Variants in ZBP1 observed in about 807,000 individuals in gnomAD.
ZBP1 encodes the protein Z-DNA binding protein 1.
In ZBP1, 42 loss-of-function variants were observed where a neutral mutation model predicts 41.1. That is an observed-to-expected ratio of 1.02 (90% CI 0.80 to 1.32). ZBP1 has a LOEUF of 1.32. Ranked by LOEUF, ZBP1 falls within the 40% of genes most tolerant of loss-of-function variation. The pLI, the probability that ZBP1 is intolerant of heterozygous loss-of-function variation, is 0.00. For synonymous variants in ZBP1, 214 were observed against 205.2 expected, an observed-to-expected ratio of 1.04 and a Z score of -0.37; for missense variants, 562 against 549.7, an observed-to-expected ratio of 1.02 and a Z score of -0.22.
chr20:57,616,235 G>T lies in ZBP1; in HGVS notation c.259+9C>A, dbSNP rs777940638. The T allele has an allele frequency of 1.2e-6, 2 of 1,613,462 alleles. No individual in the cohort carries two copies. The highest frequency in any genetic ancestry group is 1.7e-6 in the Non-Finnish European group (2 of 1,179,532). ...AGGGTCAGACCCGCCTCCCCGGGGT[G>T]GCAGTTACCAGGGCTGGACAAGGCC... On this transcript the variant is annotated intron_variant, in intron 2 of 7. Transcript: ENST00000371173.
chr20:57,617,166 T>A (rs1439684189), intron 1 of ZBP1: 1 of 154,020 alleles, frequency 6.5e-6, no homozygotes, highest in Non-Finnish European at 1.4e-5. Context: ...ACCCTCCAGA[T>A]CTGGCTCTGC....
intron 7 of ZBP1, among the ~76,000 whole-genome samples, chr20:57,607,958 G>T (rs548613687): frequency 6.6e-6 from 1 of 152,202 alleles, no homozygotes; most frequent in Non-Finnish European, 1.5e-5. Context: ...GCTTTATTGG[G>T]GTGTTCTGGA....
rs1318222465 is a variant in ZBP1, at chr20:57,613,362, C to T, written c.503-32G>A. ...AATAATATTCAACTGTATCCCTTTG[C>T]CACTGTCTATGGGTCAGGGGTTCCC... is the stretch of plus-strand genomic sequence containing the variant. On this transcript the variant is annotated intron_variant, in intron 4 of 7. Coordinates refer to ENST00000371173, the MANE Select transcript of ZBP1 (RefSeq NM_030776.3). This position sits in a 1 kb window ranked among gnomAD's most constrained non-coding sequence, Gnocchi z 4.5. The T allele has an allele frequency of 1.9e-6, 3 of 1,601,060 alleles. No individual in the cohort carries two copies. The highest frequency in any genetic ancestry group is 3.3e-4 in the Middle Eastern group (2 of 6,042).
chr20:57,615,508 T>C lies in ZBP1; in HGVS notation c.328+4A>G. 6.2e-7 allele frequency: 1 copy of C among 1,613,410 alleles called. No homozygotes were observed. Among genetic ancestry groups the C allele is most frequent in the Non-Finnish European group, 8.5e-7 (1 of 1,179,752 alleles). On this transcript the variant is annotated splice_donor_region_variant and intron_variant, in intron 3 of 7. Transcript: ENST00000371173. ...GGGAACTGAAGGGACATGCAAAAACTTACCCCGTTGTTGGCTGAACTGAGG... is the reference window on the plus strand; with the variant it reads ...GGGAACTGAAGGGACATGCAAAAACCTACCCCGTTGTTGGCTGAACTGAGG...
chr20:57,613,021 T>C lies in ZBP1; in HGVS notation c.670+142A>G. 1 of 1,501,246 alleles carries C rather than the reference T, an allele frequency of 6.7e-7. No individual in the cohort carries two copies. The highest frequency in any genetic ancestry group is 2.5e-5 in the East Asian group (1 of 40,548). 93.0% of individuals were successfully genotyped at this position (1,501,246 alleles called of 1,614,324 possible). On this transcript the variant is annotated intron_variant, in intron 5 of 7. Coordinates refer to ENST00000371173, the MANE Select transcript of ZBP1 (RefSeq NM_030776.3). This position sits in a 1 kb window ranked among gnomAD's most constrained non-coding sequence, Gnocchi z 4.5. ...CTCATTCTCAGGACGGCCGTAAAGG[T>C]GGACTGTGGGGGTCTGGAAGCAACC...
chr20:57,615,461 G>A, intron 3 of ZBP1, 51 bp downstream of exon 3: 1 of 1,589,994 alleles, frequency 6.3e-7, no homozygotes, highest in African/African-American at 1.3e-5. Flanking sequence ...TGGGGTTCCT[G>A]GGGAGTGGGA....
At chr20:57,612,047 C>A in intron 5 of ZBP1, 117 bp from the exon 6 acceptor site, 1 of 1,144,842 alleles carries the variant, frequency 8.7e-7, no homozygotes, top group Non-Finnish European at 1.2e-6. Context: ...GAACTGGCGG[C>A]CAAAGACTTC....
chr20:57,616,178 C>T, intron 2 of ZBP1, 66 bp downstream of exon 2: 2 of 1,475,214 alleles, frequency 1.4e-6, no homozygotes, highest in Non-Finnish European at 1.9e-6. Flanking sequence ...AGGCTCAAAT[C>T]TGTGCTTGTC....
intron 7 of ZBP1, among the ~76,000 whole-genome samples, chr20:57,608,709 T>C (rs546835575): frequency 6.6e-6 from 1 of 152,306 alleles, no homozygotes; most frequent in South Asian, 2.1e-4. Flanking sequence ...TGCATGGGGC[T>C]CCCAGGGGTC....
chr20:57,616,576 G>T, intron 1 of ZBP1, 108 bp from the exon 2 acceptor site: 1 of 1,164,592 alleles, frequency 8.6e-7, no homozygotes, highest in Non-Finnish European at 1.2e-6. Flanking sequence ...TTTGAGAGGG[G>T]TCCAGGGCAG....
At chr20:57,620,029 G>A (rs2070961379) in intron 1 of ZBP1, among the ~76,000 whole-genome samples, 1 of 152,134 alleles carries the variant, frequency 6.6e-6, no homozygotes, top group Admixed American at 6.5e-5. Context: ...TAGAGATGGG[G>A]TTTCGCCATG....
chr20:57,618,442 G>A (rs771197206), intron 1 of ZBP1, among the ~76,000 whole-genome samples: 8 of 152,080 alleles, frequency 5.3e-5, no homozygotes, highest in Admixed American at 2.0e-4. Context: ...AACGCTGACC[G>A]GCTTGCCGTG....
rs2146569859 is a variant in ZBP1, at chr20:57,610,735, A to T, written c.875-368T>A. 3.1e-6 allele frequency: 1 copy of T among 321,178 alleles called. No individual in the cohort carries two copies. The highest frequency in any genetic ancestry group is 7.6e-5 in the East Asian group (1 of 13,206). 19.9% of individuals were successfully genotyped at this position (321,178 alleles called of 1,614,324 possible). ...TGGTTGAAATCTTATGGGGGCTCCC[A>T]GCCTGGCCCCAGCTCCTGCCATCTG... On this transcript the variant is annotated intron_variant, in intron 6 of 7. Coordinates refer to ENST00000371173, the MANE Select transcript of ZBP1 (RefSeq NM_030776.3). The surrounding 1 kb of genome is among the most constrained non-coding windows in gnomAD (Gnocchi z 5.5).
intron 1 of ZBP1, chr20:57,617,045 T>A (rs1340930473): frequency 6.3e-6 from 1 of 158,792 alleles, no homozygotes; most frequent in East Asian, 1.9e-4. Context: ...ATTCCTGGAT[T>A]CTCTGGAATC....
intron 7 of ZBP1, chr20:57,607,124 T>G (rs1407416393): frequency 7.7e-7 from 1 of 1,304,326 alleles, no homozygotes; most frequent in South Asian, 1.2e-5. Context: ...CTCAGATGGA[T>G]CTGGGCAAAG....
rs186087843 is a variant in ZBP1 at position 57,614,313 on chromosome 20, G to A, written c.502+574C>T. Among the ~76,000 whole-genome samples the A allele has an allele frequency of 1.8e-3, 272 of 152,270 alleles. 1 individual carries two copies. The highest frequency in any genetic ancestry group is 6.8e-3 in the Middle Eastern group (2 of 294). On this transcript the variant is annotated intron_variant, in intron 4 of 7. Transcript: ENST00000371173. The stretch of plus-strand genomic sequence containing the variant: ...CCCAAAGTGCTAGGATTACAGGCGT[G>A]AGCAACCGTGCCTGGCCCATTTTTA...
chr20:57,605,363 G>A (rs1466051954), intron 7 of ZBP1, among the ~76,000 whole-genome samples: 1 of 152,180 alleles, frequency 6.6e-6, no homozygotes, highest in Non-Finnish European at 1.5e-5. Flanking sequence ...CTCACTTCCT[G>A]TCTCTGCGTC....
In ZBP1 at chr20:57,613,381, G is replaced by T; in HGVS notation, c.503-51C>A. On this transcript the variant is annotated intron_variant, in intron 4 of 7. Transcript: ENST00000371173. This position sits in a 1 kb window ranked among gnomAD's most constrained non-coding sequence, Gnocchi z 4.5. ...CCTTTGCCACTGTCTATGGGTCAGG[G>T]GTTCCCAATACCAGTCGGCAGCACC... is the stretch of plus-strand genomic sequence containing the variant. 6.3e-7 allele frequency: 1 copy of T among 1,577,886 alleles called. No individual in the cohort carries two copies. Among genetic ancestry groups the T allele is most frequent in the Non-Finnish European group, 8.6e-7 (1 of 1,160,992 alleles).
Position 57,614,914 on chromosome 20 carries a change from ACTGCTCATCCATGT to A in ZBP1, c.461_474del (p.Asp154ValfsTer80). ...GGGCGGTAAATCGTCCATGCTTTGG[ACTGCTCATCCATGT>A]CCAGAAGGTGCCTGCTCTTCATCCT... On this transcript the variant is annotated frameshift_variant, in exon 4 of 8. Transcript: ENST00000371173. LOFTEE classifies it high-confidence loss of function. 1 of 1,614,084 alleles carries A rather than the reference ACTGCTCATCCATGT, an allele frequency of 6.2e-7. No individual in the cohort carries two copies. Among genetic ancestry groups the A allele is most frequent in the Non-Finnish European group, 8.5e-7 (1 of 1,179,994 alleles).
Sources: gnomAD v4.1 joint callset for allele counts (sites outside exome capture counted in the v4.1 genomes callset) on GRCh38, gnomAD v4.1.1 for gene constraint, Gnocchi (gnomAD v3.1) non-coding constraint, MANE v1.5 for transcripts, NCBI Gene and HGNC (gene_info 2026-07-23, HGNC 2026-07-21) for gene names.